TNFAIP8: variants seen among roughly 807,000 people sequenced by gnomAD.
The protein encoded by TNFAIP8 is tumor necrosis factor alpha-induced protein 8.
Under a neutral mutation model 13.3 loss-of-function variants are expected in TNFAIP8, and 7 were observed. The observed-to-expected ratio is 0.52, with a 90% CI of 0.30 to 0.99. The LOEUF is 0.99. TNFAIP8 is among the 50% of genes least tolerant of loss of function. The pLI, the probability that TNFAIP8 is intolerant of heterozygous loss-of-function variation, is 0.07. For synonymous variants in TNFAIP8, 94 were observed against 87.6 expected (o/e 1.07, Z -0.41); for missense variants, 258 against 236.9 (o/e 1.09, Z -0.58).
chr5:119,319,635 C>G (rs1749996444), intron 1 of TNFAIP8, among the ~76,000 whole-genome samples: 1 of 152,178 alleles, frequency 6.6e-6, no homozygotes, highest in Admixed American at 6.5e-5. Flanking sequence ...TTAAGTCCAA[C>G]TAGCCTGGAA....
intron 1 of TNFAIP8, 115 bp from the exon 2 acceptor site, chr5:119,392,701 C>A: frequency 7.9e-7 from 1 of 1,264,350 alleles, no homozygotes; most frequent in Non-Finnish European, 1.1e-6. Flanking sequence ...TAAGACAAAC[C>A]ACAAATGGTG....
At chr5:119,296,204 C>T (rs79751884) in intron 1 of TNFAIP8, among the ~76,000 whole-genome samples, 9,717 of 151,378 alleles carry the variant, frequency 0.064, 735 homozygotes, top group African/African-American at 0.18. Context: ...TGTCTTGTGC[C>T]AGTTTTCAAA....
chr5:119,379,266 T>C (rs1752394074), intron 1 of TNFAIP8, among the ~76,000 whole-genome samples: 1 of 152,126 alleles, frequency 6.6e-6, no homozygotes, highest in Non-Finnish European at 1.5e-5. Flanking sequence ...CACCCCATGC[T>C]AGCTGGAGGG....
At chr5:119,340,206 C>T (rs1355124) in intron 1 of TNFAIP8, among the ~76,000 whole-genome samples, 36,241 of 152,190 alleles carry the variant, frequency 0.24, 4,508 homozygotes, top group East Asian at 0.31. Flanking sequence ...TGTCCCTAGC[C>T]AGCCAATCTT....
intron 1 of TNFAIP8, among the ~76,000 whole-genome samples, chr5:119,317,992 G>C (rs1222316743): frequency 6.6e-6 from 1 of 152,144 alleles, no homozygotes; most frequent in Non-Finnish European, 1.5e-5. Flanking sequence ...TCATAAATAA[G>C]TTGTGTTTTT....
chr5:119,354,432 G>C (rs115891073), upstream of TNFAIP8: 1 of 152,154 alleles, frequency 6.6e-6, no homozygotes, highest in Non-Finnish European at 1.5e-5. Context: ...GCAGTAGGAT[G>C]TGATTTAATA....
chr5:119,296,309 T>G (rs918601695), intron 1 of TNFAIP8, among the ~76,000 whole-genome samples: 18 of 152,020 alleles, frequency 1.2e-4, no homozygotes, highest in African/African-American at 3.9e-4. Context: ...CATCAATACC[T>G]AATTTATTGA....
intron 1 of TNFAIP8, among the ~76,000 whole-genome samples, chr5:119,319,304 C>T (rs748864090): frequency 3.3e-5 from 5 of 152,110 alleles, no homozygotes; most frequent in Admixed American, 6.5e-5. Flanking sequence ...TAAAATAATC[C>T]GTTTGGATAT....
chr5:119,295,983 T>C (rs1397284377), intron 1 of TNFAIP8, among the ~76,000 whole-genome samples: 1 of 150,832 alleles, frequency 6.6e-6, no homozygotes, highest in Admixed American at 6.6e-5. Context: ...TTTTGTATCC[T>C]GAGACTTTGC....
Position 119,318,393 on chromosome 5 carries a change from A to G in TNFAIP8, c.1+49486A>G, listed in dbSNP as rs140048177. Among the ~76,000 whole-genome samples, 715 of 152,252 alleles carry G rather than the reference A, an allele frequency of 4.7e-3. 6 individuals are homozygous for G. The highest frequency in any genetic ancestry group is 0.016 in the African/African-American group (668 of 41,534). The stretch of plus-strand genomic sequence containing the variant: ...AGCCTTGACCTCCTGGGCTCCAGCA[A>G]TCCTCCCACGTCAGCTTCCTGTGTC... On this transcript the variant is annotated intron_variant, in intron 1 of 1. Transcript: ENST00000274456.
intron 1 of TNFAIP8, among the ~76,000 whole-genome samples, chr5:119,287,481 A>G (rs1479295661): frequency 2.0e-5 from 3 of 152,162 alleles, no homozygotes; most frequent in South Asian, 2.1e-4. Context: ...AATCTGCTCT[A>G]TTAGTAAATT....
At chr5:119,374,036 G>C (rs960185497) in intron 1 of TNFAIP8, among the ~76,000 whole-genome samples, 3 of 151,900 alleles carry the variant, frequency 2.0e-5, no homozygotes, top group African/African-American at 7.3e-5. Flanking sequence ...TATATTTAGG[G>C]GAGTATCAGT....
At chr5:119,292,814 T>C (rs1176559980) in intron 1 of TNFAIP8, among the ~76,000 whole-genome samples, 1 of 151,442 alleles carries the variant, frequency 6.6e-6, no homozygotes, top group Non-Finnish European at 1.5e-5. Flanking sequence ...CTACATACTG[T>C]GTGGTTCTGT....
At chr5:119,304,593 T>C (rs148326520) in intron 1 of TNFAIP8, among the ~76,000 whole-genome samples, 9 of 152,324 alleles carry the variant, frequency 5.9e-5, no homozygotes, top group Admixed American at 2.6e-4. Context: ...TGATGCCTAG[T>C]CCTCACAGTT....
intron 1 of TNFAIP8, among the ~76,000 whole-genome samples, chr5:119,344,574 G>A (rs1179894237): frequency 1.3e-5 from 2 of 152,206 alleles, no homozygotes; most frequent in Non-Finnish European, 2.9e-5. Flanking sequence ...TTCTTGTGTG[G>A]CAGGTATGAA....
At chr5:119,296,690 C>T (rs1258049066) in intron 1 of TNFAIP8, among the ~76,000 whole-genome samples, 1 of 152,168 alleles carries the variant, frequency 6.6e-6, no homozygotes, top group Admixed American at 6.5e-5. Context: ...GGAATAGCTT[C>T]AGAAGGAATG....
chr5:119,325,382 G>T (rs571406624), intron 1 of TNFAIP8, among the ~76,000 whole-genome samples: 1 of 151,830 alleles, frequency 6.6e-6, no homozygotes, highest in South Asian at 2.1e-4. Flanking sequence ...GTCCTATATG[G>T]TCTACATATT....
chr5:119,314,611 T>C (rs1749829959), intron 1 of TNFAIP8, among the ~76,000 whole-genome samples: 1 of 152,228 alleles, frequency 6.6e-6, no homozygotes. Context: ...TGAGTTCATA[T>C]CACTGATTGG....
At chr5:119,335,258 G>C (rs796572231) in intron 1 of TNFAIP8, among the ~76,000 whole-genome samples, 16 of 152,262 alleles carry the variant, frequency 1.1e-4, no homozygotes, top group African/African-American at 3.9e-4. Flanking sequence ...ATAGGGAAAC[G>C]TACTTCTCTT....
Sources: gnomAD v4.1 joint callset for allele counts (sites outside exome capture counted in the v4.1 genomes callset) on GRCh38, gnomAD v4.1.1 for gene constraint, MANE v1.5 for transcripts, NCBI Gene and HGNC (gene_info 2026-07-23, HGNC 2026-07-21) for gene names.